Variants in PTPRD observed in about 807,000 individuals in gnomAD.
PTPRD encodes receptor-type tyrosine-protein phosphatase delta.
PTPRD carries 34 observed loss-of-function variants against 214.5 expected under a neutral mutation model. The ratio of observed to expected loss-of-function variants is 0.16; its 90% CI spans 0.12 to 0.21. PTPRD has a LOEUF of 0.21. Among genes scored for constraint, PTPRD ranks in the 10% least tolerant of loss-of-function variants. PTPRD has a pLI of 1.00. For synonymous variants in PTPRD, 1,128 were observed against 845.7 expected, an observed-to-expected ratio of 1.33 and a Z score of -5.79; for missense variants, 2,545 against 2,398.7, an observed-to-expected ratio of 1.06 and a Z score of -1.27.
intron 7 of PTPRD, among the ~76,000 whole-genome samples, chr9:9,686,455 ATAC>A (rs2097169039): frequency 6.6e-6 from 1 of 151,318 alleles, no homozygotes; most frequent in African/African-American, 2.4e-5. Flanking sequence ...AGAATAGATA[ATAC>A]ATTATATAAT....
At chr9:10,595,237 A>AT (rs1365983616) in intron 2 of PTPRD, among the ~76,000 whole-genome samples, 6 of 151,842 alleles carry the variant, frequency 4.0e-5, no homozygotes, top group African/African-American at 1.4e-4. Flanking sequence ...GATGTAAAGA[A>AT]TTTTTTTAGT....
At chr9:10,150,546 G>T (rs1184842605) in intron 3 of PTPRD, among the ~76,000 whole-genome samples, 1 of 151,816 alleles carries the variant, frequency 6.6e-6, no homozygotes, top group Admixed American at 6.6e-5. Flanking sequence ...AGCATTAGGA[G>T]ATATACCTAA....
intron 3 of PTPRD, among the ~76,000 whole-genome samples, chr9:10,061,254 A>T (rs1218845247): frequency 6.6e-6 from 1 of 152,062 alleles, no homozygotes; most frequent in Non-Finnish European, 1.5e-5. Flanking sequence ...CATATCCTGC[A>T]ACAGGAAAGG....
chr9:10,579,386 G>A (rs1342764985), intron 2 of PTPRD, among the ~76,000 whole-genome samples: 3 of 152,130 alleles, frequency 2.0e-5, no homozygotes, highest in African/African-American at 4.8e-5. Context: ...CTGTTCCTGT[G>A]TTAATTCACT....
At chr9:10,045,715 T>C (rs1035810579) in intron 3 of PTPRD, among the ~76,000 whole-genome samples, 3 of 151,748 alleles carry the variant, frequency 2.0e-5, no homozygotes, top group African/African-American at 7.2e-5. Context: ...TTTGATATAA[T>C]TCCATAATAT....
At chr9:9,642,827 A>G (rs1272035576) in intron 7 of PTPRD, among the ~76,000 whole-genome samples, 1 of 152,184 alleles carries the variant, frequency 6.6e-6, no homozygotes, top group Non-Finnish European at 1.5e-5. Flanking sequence ...TTTTCATACA[A>G]GACAATTGGG....
At chr9:10,293,783 G>C (rs2095597971) in intron 3 of PTPRD, among the ~76,000 whole-genome samples, 1 of 151,962 alleles carries the variant, frequency 6.6e-6, no homozygotes, top group Non-Finnish European at 1.5e-5. Flanking sequence ...ACAGCCACTT[G>C]TCTCCAGAGT....
chr9:9,792,596 G>A (rs575031787), intron 5 of PTPRD, among the ~76,000 whole-genome samples: 5 of 152,238 alleles, frequency 3.3e-5, no homozygotes, highest in South Asian at 2.1e-4. Flanking sequence ...ATTTTAAAAT[G>A]TAAGATATTA....
At chr9:9,519,137 A>T (rs760481543) in intron 8 of PTPRD, among the ~76,000 whole-genome samples, 4 of 152,066 alleles carry the variant, frequency 2.6e-5, no homozygotes, top group Non-Finnish European at 5.9e-5. Flanking sequence ...ATGAAAATGT[A>T]TAAATATTTT....
At chr9:9,836,024 A>G (rs2056647283) in intron 5 of PTPRD, among the ~76,000 whole-genome samples, 3 of 152,176 alleles carry the variant, frequency 2.0e-5, no homozygotes, top group African/African-American at 7.2e-5. Flanking sequence ...TTCTAGTACA[A>G]GGAACTTTTA....
At chr9:9,028,796 A>G (rs1569465251) in intron 10 of PTPRD, among the ~76,000 whole-genome samples, 1 of 151,990 alleles carries the variant, frequency 6.6e-6, no homozygotes, top group East Asian at 1.9e-4. Context: ...AGATGAAATC[A>G]TAGTCTTGTG....
chr9:9,159,301 A>G (rs1234131952), intron 10 of PTPRD, among the ~76,000 whole-genome samples: 2 of 152,164 alleles, frequency 1.3e-5, no homozygotes, highest in Non-Finnish European at 2.9e-5. Context: ...GAAATAGCAA[A>G]TAGAGACTAT....
chr9:10,295,053 C>T (rs1247890878), intron 3 of PTPRD, among the ~76,000 whole-genome samples: 3 of 152,002 alleles, frequency 2.0e-5, no homozygotes, highest in African/African-American at 4.8e-5. Flanking sequence ...AAAACTTAAT[C>T]GTTGAACATC....
At chr9:9,895,687 T>C (rs551278694) in intron 5 of PTPRD, among the ~76,000 whole-genome samples, 1 of 152,198 alleles carries the variant, frequency 6.6e-6, no homozygotes, top group African/African-American at 2.4e-5. Flanking sequence ...ATGGCAACTA[T>C]AGTCAACAAT....
intron 9 of PTPRD, among the ~76,000 whole-genome samples, chr9:9,242,661 G>C (rs372081660): frequency 6.6e-6 from 1 of 152,086 alleles, no homozygotes; most frequent in African/African-American, 2.4e-5. Context: ...CATTCGTCAC[G>C]TAGTTCTTGT....
intron 5 of PTPRD, among the ~76,000 whole-genome samples, chr9:9,920,142 G>A (rs2082147335): frequency 6.6e-6 from 1 of 152,064 alleles, no homozygotes; most frequent in Admixed American, 6.6e-5. Context: ...TTTGGTTTGT[G>A]TCTTCCAAAA....
At position 9,330,937 on chromosome 9, in the gene PTPRD, C is replaced by G. The variant is rs1321178371; in HGVS notation, c.-203+66512G>C. On this transcript the variant is annotated intron_variant, in intron 9 of 45. Coordinates refer to ENST00000381196, the MANE Select transcript of PTPRD (RefSeq NM_002839.4). ...TTTTTTTGAAATGATATCTTTGCAG[C>G]AATTAACAGAAAGCTTTTCCTATAC... Among the ~76,000 whole-genome samples the G allele has an allele frequency of 1.1e-4, 16 of 149,716 alleles. No homozygotes were observed. The Admixed American group carries it at 1.1e-3, about 10-fold the overall frequency.
intron 3 of PTPRD, among the ~76,000 whole-genome samples, chr9:10,058,860 T>G (rs1308872342): frequency 1.3e-5 from 2 of 152,136 alleles, no homozygotes; most frequent in East Asian, 3.9e-4. Context: ...TTAACATGCC[T>G]GTTGCTTTGT....
chr9:9,652,726 T>TA (rs2096396675), intron 7 of PTPRD, among the ~76,000 whole-genome samples: 1 of 151,778 alleles, frequency 6.6e-6, no homozygotes, highest in Non-Finnish European at 1.5e-5. Context: ...GCAATTCTCC[T>TA]ACCTCAGCCT....
Sources: gnomAD v4.1 joint callset for allele counts (sites outside exome capture counted in the v4.1 genomes callset) on GRCh38, gnomAD v4.1.1 for gene constraint, MANE v1.5 for transcripts, NCBI Gene and HGNC (gene_info 2026-07-23, HGNC 2026-07-21) for gene names.